The following BACH2 variants were observed in gnomAD, a reference collection of about 807,000 sequenced individuals.
BACH2 encodes the protein transcription regulator protein BACH2.
A neutral mutation model predicts 61.8 loss-of-function variants in BACH2; 5 were observed. The ratio of observed to expected loss-of-function variants is 0.08; its 90% confidence interval spans 0.04 to 0.17. The LOEUF (loss-of-function observed/expected upper bound fraction) is 0.17, where lower values mean the gene tolerates loss of function less well. Among genes scored for constraint, BACH2 ranks in the 10% least tolerant of loss-of-function variants. BACH2 has a pLI of 1.00. For missense variants in BACH2, 824 were observed against 1,091.1 expected, an observed-to-expected ratio of 0.76 and a Z score of 3.45; for synonymous variants, 446 against 440.1, an observed-to-expected ratio of 1.01 and a Z score of -0.17.
At chr6:90,057,381 G>T (rs1780420328) in intron 5 of BACH2, among the ~76,000 whole-genome samples, 2 of 152,262 alleles carry the variant, frequency 1.3e-5, no homozygotes, top group South Asian at 4.1e-4. Context: ...AGAAGAAACG[G>T]ATAAATTCCT....
At chr6:90,057,157 C>A (rs1780402414) in intron 5 of BACH2, among the ~76,000 whole-genome samples, 1 of 151,710 alleles carries the variant, frequency 6.6e-6, no homozygotes, top group African/African-American at 2.4e-5. Flanking sequence ...ACACAAAAAA[C>A]CCTTCAAAAA....
chr6:90,185,001 G>GT (rs1768304725), intron 4 of BACH2, among the ~76,000 whole-genome samples: 1 of 152,208 alleles, frequency 6.6e-6, no homozygotes, highest in Non-Finnish European at 1.5e-5. Context: ...AAGAGTACCT[G>GT]TTTAGCTACC....
intron 4 of BACH2, among the ~76,000 whole-genome samples, chr6:90,189,837 G>A (rs1425781523): frequency 1.3e-5 from 2 of 152,114 alleles, no homozygotes; most frequent in Non-Finnish European, 2.9e-5. Context: ...TTCTCTGGCA[G>A]GACAGTATGC....
chr6:90,008,642 C>T lies in BACH2; in HGVS notation c.203G>A (p.Gly68Glu), dbSNP rs45509798. Residue 68 changes from glycine (G) to glutamate (E), a missense_variant, in exon 6 of 9, where the codon GGA becomes GAA. This residue lies in a region of BACH2 where 66 missense variants were observed against 144.8 expected (regional missense o/e 0.46). Coordinates refer to ENST00000257749, the MANE Select transcript of BACH2 (RefSeq NM_021813.4). This position sits in a 1 kb window ranked among gnomAD's most constrained non-coding sequence, Gnocchi z 4.1. ...CSEYFWQALV[G>E]QTKNDLVVSL... Reference sequence around the variant, plus strand: ...GACCACCAAATCATTTTTTGTCTGTCCAACCAGCGCCTGCCAAAAATATTC... The same window carrying T: ...GACCACCAAATCATTTTTTGTCTGTTCAACCAGCGCCTGCCAAAAATATTC... The T allele has an allele frequency of 1.2e-6, 2 of 1,614,190 alleles. No homozygotes were observed. Among genetic ancestry groups the T allele is most frequent in the Non-Finnish European group, 1.7e-6 (2 of 1,180,014 alleles).
At position 89,936,610 on chromosome 6, in the gene BACH2, G is replaced by A. The variant is rs140583447; in HGVS notation, c.2043+1534C>T. Among the ~76,000 whole-genome samples, 436 of 152,280 alleles carry A rather than the reference G, an allele frequency of 2.9e-3. 1 individual carries two copies. Among genetic ancestry groups the A allele is most frequent in the African/African-American group, 7.7e-3 (318 of 41,564 alleles). On this transcript the variant is annotated intron_variant, in intron 8 of 8. Coordinates refer to ENST00000257749, the MANE Select transcript of BACH2 (RefSeq NM_021813.4). The stretch of plus-strand genomic sequence containing the variant: ...GGTAGCTACAGACTGGAACACAAAT[G>A]GCAGGAGATATCCTACTAAGAAGCT...
intron 6 of BACH2, among the ~76,000 whole-genome samples, chr6:90,006,204 C>A (rs1281851848): frequency 1.3e-5 from 2 of 152,182 alleles, no homozygotes; most frequent in East Asian, 3.9e-4. Context: ...CCAGTCCAAC[C>A]TGGGCAACAG....
intron 7 of BACH2, among the ~76,000 whole-genome samples, chr6:89,943,344 C>T (rs1233182964): frequency 2.6e-5 from 4 of 151,982 alleles, no homozygotes; most frequent in Non-Finnish European, 5.9e-5. Context: ...CCAACAGCCA[C>T]GACCATTCTT....
At chr6:90,239,078 G>A (rs1770348105) in intron 3 of BACH2, among the ~76,000 whole-genome samples, 1 of 152,206 alleles carries the variant, frequency 6.6e-6, no homozygotes. Context: ...GAATTTTACT[G>A]ACTGAAAGCC....
intron 4 of BACH2, among the ~76,000 whole-genome samples, chr6:90,119,071 C>T (rs1463058088): frequency 6.6e-6 from 1 of 152,120 alleles, no homozygotes. Flanking sequence ...TGTTATCATC[C>T]ACCTTCCTTT....
rs555491763 is a variant in BACH2 at position 89,974,713 on chromosome 6, C to T, written c.244-22851G>A. ...CTTAATTAGGCATATGTATCTTTTT[C>T]GTGGGACAAGGGATAGCCAAAACTA... On this transcript the variant is annotated intron_variant, in intron 6 of 8. Coordinates refer to ENST00000257749, the MANE Select transcript of BACH2 (RefSeq NM_021813.4). Among the ~76,000 whole-genome samples, 11 of 152,282 alleles carry T rather than the reference C, an allele frequency of 7.2e-5. No individual in the cohort carries two copies. The South Asian group carries it at 1.9e-3, about 26-fold the overall frequency.
chr6:90,165,908 C>A (rs1767595470), intron 4 of BACH2, among the ~76,000 whole-genome samples: 1 of 152,116 alleles, frequency 6.6e-6, no homozygotes, highest in African/African-American at 2.4e-5. Context: ...AAAATTAATT[C>A]AAGATGGATT....
chr6:90,001,905 C>T (rs1474055372), intron 6 of BACH2, among the ~76,000 whole-genome samples: 2 of 152,232 alleles, frequency 1.3e-5, no homozygotes, highest in Non-Finnish European at 1.5e-5. Flanking sequence ...AATGAAACCT[C>T]TTTTGACACC....
At chr6:90,291,818 C>T (rs1320830012) in intron 1 of BACH2, among the ~76,000 whole-genome samples, 1 of 152,128 alleles carries the variant, frequency 6.6e-6, no homozygotes, top group Non-Finnish European at 1.5e-5. Flanking sequence ...CTTGGTGCTG[C>T]GTTCCCATAT....
At chr6:90,198,535 C>T (rs954837793) in intron 4 of BACH2, among the ~76,000 whole-genome samples, 13 of 152,144 alleles carry the variant, frequency 8.5e-5, no homozygotes, top group African/African-American at 1.9e-4. Context: ...TTTTCTATTC[C>T]GAAGACTTAA....
intron 3 of BACH2, among the ~76,000 whole-genome samples, chr6:90,211,685 T>G (rs1769359344): frequency 6.6e-6 from 1 of 151,470 alleles, no homozygotes; most frequent in African/African-American, 2.4e-5. Flanking sequence ...GAATGGAATA[T>G]GGTGAGTTGG....
chr6:89,939,212 T>C (rs1372455759), intron 7 of BACH2, among the ~76,000 whole-genome samples: 1 of 152,172 alleles, frequency 6.6e-6, no homozygotes, highest in Non-Finnish European at 1.5e-5. Flanking sequence ...GAGGCCCATG[T>C]GGAGAGGGGC....
intron 4 of BACH2, among the ~76,000 whole-genome samples, chr6:90,204,480 T>C (rs1478126197): frequency 6.6e-6 from 1 of 152,022 alleles, no homozygotes; most frequent in Non-Finnish European, 1.5e-5. Context: ...ATCACTACTT[T>C]CAATTAAAAC....
chr6:90,003,198 A>G lies in BACH2; in HGVS notation c.243+5404T>C, dbSNP rs576453975. On this transcript the variant is annotated intron_variant, in intron 6 of 8. Transcript: ENST00000257749. ...AAAGACCAATCGCTCAGTGAGGTGC[A>G]CAGTCTGGACCATCACCTCTCTGAC... is the stretch of plus-strand genomic sequence containing the variant. Among the ~76,000 whole-genome samples, 8 of 152,246 alleles carry G rather than the reference A, an allele frequency of 5.3e-5. No homozygotes were observed. In the East Asian group the frequency reaches 1.5e-3, roughly 29 times the overall value.
At chr6:89,981,360 A>C (rs1036406676) in intron 6 of BACH2, among the ~76,000 whole-genome samples, 19 of 151,838 alleles carry the variant, frequency 1.3e-4, no homozygotes, top group African/African-American at 3.6e-4. Context: ...CCAGGATGGT[A>C]TCGATCTCCT....
Sources: gnomAD v4.1 joint callset for allele counts (sites outside exome capture counted in the v4.1 genomes callset) on GRCh38, gnomAD v4.1.1 for gene constraint, gnomAD v4.1.1 regional missense constraint, Gnocchi (gnomAD v3.1) non-coding constraint, MANE v1.5 for transcripts, NCBI Gene and HGNC (gene_info 2026-07-23, HGNC 2026-07-21) for gene names.